Variants in MTHFS observed in about 807,000 individuals in gnomAD.
MTHFS encodes the protein methenyltetrahydrofolate synthetase.
In MTHFS, 7 loss-of-function variants were observed where a neutral mutation model predicts 12.7. The observed-to-expected ratio is 0.55, with a 90% CI of 0.31 to 1.03. The LOEUF (loss-of-function observed/expected upper bound fraction) is 1.03, where lower values mean the gene tolerates loss of function less well. MTHFS is among the 50% of genes least tolerant of loss of function. The pLI is 0.05. For synonymous variants in MTHFS, 100 were observed against 97.1 expected (o/e 1.03, Z -0.18); for missense variants, 252 against 258.1 (o/e 0.98, Z 0.16).
intron 2 of MTHFS, among the ~76,000 whole-genome samples, chr15:79,869,542 C>T (rs2141358478): frequency 6.6e-6 from 1 of 152,162 alleles, no homozygotes; most frequent in Admixed American, 6.5e-5. Context: ...TCAGGCAATC[C>T]TCTCACCTCA....
chr15:79,863,188 C>T (rs958462704), intron 2 of MTHFS, among the ~76,000 whole-genome samples: 10 of 152,190 alleles, frequency 6.6e-5, no homozygotes, highest in Non-Finnish European at 1.3e-4. Flanking sequence ...CTATCCTCTC[C>T]ATTTCTAAAA....
chr15:79,880,131 A>G (rs1324044698), intron 2 of MTHFS, among the ~76,000 whole-genome samples: 1 of 151,390 alleles, frequency 6.6e-6, no homozygotes, highest in Non-Finnish European at 1.5e-5. Context: ...GTGCAGTGGC[A>G]TGATCTCAGC....
intron 2 of MTHFS, among the ~76,000 whole-genome samples, chr15:79,847,683 A>G (rs1476884721): frequency 1.3e-5 from 2 of 151,994 alleles, no homozygotes; most frequent in Non-Finnish European, 2.9e-5. Flanking sequence ...AAAAAAAAAA[A>G]AAAAAAAGAC....
intron 2 of MTHFS, among the ~76,000 whole-genome samples, chr15:79,871,142 C>CA (rs911785501): frequency 4.0e-5 from 6 of 149,144 alleles, no homozygotes; most frequent in East Asian, 2.0e-4. Context: ...GACTCTGTCT[C>CA]AAAAAAAAAG....
intron 2 of MTHFS, among the ~76,000 whole-genome samples, chr15:79,886,177 T>G (rs2034379353): frequency 6.6e-6 from 1 of 152,216 alleles, no homozygotes; most frequent in Non-Finnish European, 1.5e-5. Context: ...TCTGATAATG[T>G]GAGCAAACAA....
intron 2 of MTHFS, among the ~76,000 whole-genome samples, chr15:79,879,279 T>A (rs1265732542): frequency 1.3e-5 from 2 of 151,712 alleles, no homozygotes; most frequent in East Asian, 1.9e-4. Context: ...AGAGGCAAAG[T>A]TTTTGCTTTA....
At chr15:79,880,460 G>A (rs1447935489) in intron 2 of MTHFS, among the ~76,000 whole-genome samples, 1 of 151,834 alleles carries the variant, frequency 6.6e-6, no homozygotes, top group African/African-American at 2.4e-5. Context: ...AACATTGATG[G>A]ATCATGTGCT....
intron 2 of MTHFS, among the ~76,000 whole-genome samples, chr15:79,862,606 C>G (rs960192306): frequency 6.6e-6 from 1 of 152,008 alleles, no homozygotes; most frequent in Non-Finnish European, 1.5e-5. Flanking sequence ...CTTTCTACAG[C>G]AAAAAGAGGT....
intron 2 of MTHFS, among the ~76,000 whole-genome samples, chr15:79,885,382 A>T (rs2034364727): frequency 6.6e-6 from 1 of 152,240 alleles, no homozygotes; most frequent in South Asian, 2.1e-4. Context: ...CTATGACTGC[A>T]AAGAGCCTAT....
At chr15:79,895,858 T>C (rs76220372) in intron 1 of MTHFS, among the ~76,000 whole-genome samples, 3,442 of 152,300 alleles carry the variant, frequency 0.023, 122 homozygotes, top group African/African-American at 0.078. Context: ...TTTCCAAATA[T>C]CTGGTGTCTC....
chr15:79,861,778 T>C (rs1479335945), intron 2 of MTHFS, among the ~76,000 whole-genome samples: 1 of 152,232 alleles, frequency 6.6e-6, no homozygotes, highest in Non-Finnish European at 1.5e-5. Context: ...TCTATATGTG[T>C]TGCTATGAAA....
At chr15:79,870,387 A>G (rs1382374107) in intron 2 of MTHFS, among the ~76,000 whole-genome samples, 6 of 152,234 alleles carry the variant, frequency 3.9e-5, no homozygotes, top group Admixed American at 1.3e-4. Flanking sequence ...TGAAAAGCCT[A>G]AAATATTTAC....
intron 2 of MTHFS, among the ~76,000 whole-genome samples, chr15:79,852,421 G>C (rs1407066359): frequency 6.6e-6 from 1 of 152,152 alleles, no homozygotes. Context: ...CATACTTAAG[G>C]AGGAGTTAAC....
At chr15:79,876,244 G>A (rs1021903232) in intron 2 of MTHFS, 2 of 152,100 alleles carry the variant, frequency 1.3e-5, no homozygotes, top group African/African-American at 4.8e-5. Context: ...AGTGGGCCAA[G>A]ATATTCAATT....
At chr15:79,891,963 CA>C (rs57309663) in intron 1 of MTHFS, among the ~76,000 whole-genome samples, 1,994 of 84,212 alleles carry the variant, frequency 0.024, 50 homozygotes, top group East Asian at 0.19. Flanking sequence ...AACTCCATCT[CA>C]AAAAAAAAAA....
chr15:79,854,285 G>C (rs766372509), intron 2 of MTHFS, among the ~76,000 whole-genome samples: 1 of 152,228 alleles, frequency 6.6e-6, no homozygotes, highest in Non-Finnish European at 1.5e-5. Context: ...CAGTCCCTGG[G>C]GTAGCTGACT....
intron 2 of MTHFS, among the ~76,000 whole-genome samples, chr15:79,879,677 A>G (rs2034263812): frequency 6.6e-6 from 1 of 152,194 alleles, no homozygotes; most frequent in African/African-American, 2.4e-5. Context: ...CCTGTAATAG[A>G]TGCATGCCTT....
intron 2 of MTHFS, among the ~76,000 whole-genome samples, chr15:79,855,997 T>A (rs1189470583): frequency 2.6e-5 from 4 of 152,236 alleles, no homozygotes; most frequent in Non-Finnish European, 5.9e-5. Flanking sequence ...TGTGTCTTTA[T>A]GGTTGAACGA....
intron 2 of MTHFS, among the ~76,000 whole-genome samples, chr15:79,869,215 G>T (rs899284736): frequency 2.0e-5 from 3 of 152,182 alleles, no homozygotes; most frequent in Non-Finnish European, 4.4e-5. Flanking sequence ...TTACTTTGTT[G>T]TGGTATTTAA....
Sources: allele counts gnomAD v4.1 joint callset (sites outside exome capture counted in the v4.1 genomes callset), GRCh38; gene constraint gnomAD v4.1.1; transcripts MANE v1.5; gene names NCBI Gene and HGNC (gene_info 2026-07-23, HGNC 2026-07-21).